The following SOX5 variants were observed in gnomAD, a reference collection of about 807,000 sequenced individuals.
SOX5 encodes transcription factor SOX-5.
Under a neutral mutation model 92.0 loss-of-function variants are expected in SOX5, and 9 were observed. The observed-to-expected ratio is 0.10, with a 90% CI of 0.06 to 0.17. The LOEUF is 0.17. SOX5 is among the 10% of genes least tolerant of loss of function. SOX5 has a pLI of 1.00. For synonymous variants in SOX5, 344 were observed against 336.3 expected (o/e 1.02, Z -0.25); for missense variants, 642 against 944.5 (o/e 0.68, Z 4.20).
At chr12:23,897,078 C>T (rs2097184848) in intron 1 of SOX5, among the ~76,000 whole-genome samples, 2 of 152,112 alleles carry the variant, frequency 1.3e-5, no homozygotes, top group South Asian at 4.2e-4. Flanking sequence ...GTAGTATTTA[C>T]AACTTAATCT....
intron 4 of SOX5, among the ~76,000 whole-genome samples, chr12:24,048,285 A>T (rs1219738708): frequency 6.6e-6 from 1 of 152,154 alleles, no homozygotes; most frequent in East Asian, 1.9e-4. Context: ...TTGGGATTCA[A>T]ATTTAGATGT....
chr12:24,136,586 G>A (rs1022963565), intron 4 of SOX5, among the ~76,000 whole-genome samples: 9 of 152,164 alleles, frequency 5.9e-5, no homozygotes, highest in African/African-American at 2.2e-4. Context: ...TGAGGGATGT[G>A]CTGCTATTGT....
chr12:24,384,320 G>A (rs956571158), intron 1 of SOX5, among the ~76,000 whole-genome samples: 1 of 152,184 alleles, frequency 6.6e-6, no homozygotes, highest in Non-Finnish European at 1.5e-5. Flanking sequence ...AGCCCAGGTG[G>A]TAATGCTGGC....
intron 1 of SOX5, among the ~76,000 whole-genome samples, chr12:24,416,713 C>T (rs764077584): frequency 2.6e-5 from 4 of 152,080 alleles, no homozygotes; most frequent in South Asian, 2.1e-4. Context: ...GTACTTTGAG[C>T]GATGATAGTC....
At chr12:24,015,958 G>A (rs1391503890) in intron 4 of SOX5, among the ~76,000 whole-genome samples, 1 of 152,036 alleles carries the variant, frequency 6.6e-6, no homozygotes, top group African/African-American at 2.4e-5. Context: ...CAGCACAGAG[G>A]GAGGAGCTCC....
chr12:24,525,765 G>C lies in SOX5; in HGVS notation c.-251+36564C>G, dbSNP rs1387647840. Among the ~76,000 whole-genome samples the C allele has an allele frequency of 3.3e-5, 5 of 152,108 alleles. No individual in the cohort carries two copies. In the East Asian group the frequency reaches 9.7e-4, roughly 30 times the overall value. ...CGGGCGCCTGTAGTCCCAGCGACTC[G>C]GGAGGCGTGAACCCGGAAGGCAGAG... On this transcript the variant is annotated intron_variant, in intron 1 of 4. Transcript: ENST00000446891.
chr12:24,528,122 T>C (rs143745832), intron 1 of SOX5, among the ~76,000 whole-genome samples: 2,391 of 152,316 alleles, frequency 0.016, 33 homozygotes, highest in Middle Eastern at 0.034. Context: ...GCCTGGCTCA[T>C]ATGCAGCATT....
At chr12:24,079,851 G>T (rs556173346) in intron 4 of SOX5, among the ~76,000 whole-genome samples, 2 of 151,776 alleles carry the variant, frequency 1.3e-5, no homozygotes, top group Non-Finnish European at 2.9e-5. Context: ...GTCGAGAGCC[G>T]ATCTGTATTT....
At chr12:23,934,502 C>T (rs191236919) in intron 1 of SOX5, among the ~76,000 whole-genome samples, 1 of 148,672 alleles carries the variant, frequency 6.7e-6, no homozygotes, top group Non-Finnish European at 1.5e-5. Flanking sequence ...ATATAAAATA[C>T]AAATGATTAT....
At chr12:23,601,314 C>G (rs2137427145) in intron 9 of SOX5, among the ~76,000 whole-genome samples, 1 of 152,178 alleles carries the variant, frequency 6.6e-6, no homozygotes, top group East Asian at 1.9e-4. Context: ...AAAGCATACC[C>G]AGGAAGAAAG....
intron 4 of SOX5, among the ~76,000 whole-genome samples, chr12:23,977,138 T>C (rs1282545161): frequency 6.6e-6 from 1 of 152,190 alleles, no homozygotes; most frequent in Non-Finnish European, 1.5e-5. Context: ...TTAAGAGCTA[T>C]CATCTATAAT....
At chr12:23,630,705 C>T (rs1479459) in intron 8 of SOX5, among the ~76,000 whole-genome samples, 75 of 151,884 alleles carry the variant, frequency 4.9e-4, no homozygotes, top group Middle Eastern at 3.4e-3. Flanking sequence ...TCATTTATAC[C>T]CACTTTACAG....
At position 23,783,708 on chromosome 12, in the gene SOX5, C is replaced by T. The variant is rs554602083; in HGVS notation, c.482-27984G>A. Among the ~76,000 whole-genome samples the T allele has an allele frequency of 3.9e-5, 6 of 152,216 alleles. No homozygotes were observed. In the South Asian group the frequency reaches 1.2e-3, roughly 32 times the overall value. On this transcript the variant is annotated intron_variant, in intron 3 of 14. Transcript: ENST00000451604. ...TTAGAAATTTTTCTTTTCTTTTTGT[C>T]TTTACTTCACAGTAACTTTACCCAA...
At chr12:23,796,406 T>C (rs1206522938) in intron 3 of SOX5, among the ~76,000 whole-genome samples, 1 of 152,050 alleles carries the variant, frequency 6.6e-6, no homozygotes, top group Non-Finnish European at 1.5e-5. Flanking sequence ...GAATGAGTAG[T>C]TTGAATTTCA....
At chr12:23,925,706 A>C (rs1190298246) in intron 1 of SOX5, among the ~76,000 whole-genome samples, 1 of 152,090 alleles carries the variant, frequency 6.6e-6, no homozygotes, top group East Asian at 1.9e-4. Context: ...TGTTCAAGAT[A>C]CAATAACATT....
intron 3 of SOX5, among the ~76,000 whole-genome samples, chr12:24,223,781 A>ACAAAAG (rs1961131509): frequency 6.6e-6 from 1 of 151,916 alleles, no homozygotes; most frequent in African/African-American, 2.4e-5. Flanking sequence ...AAAAACAAAA[A>ACAAAAG]ACAACAAACA....
chr12:24,018,988 A>AT (rs1342439450), intron 4 of SOX5, among the ~76,000 whole-genome samples: 3 of 152,000 alleles, frequency 2.0e-5, no homozygotes, highest in African/African-American at 4.8e-5. Context: ...ATAATCATGC[A>AT]TTTTTTTGAG....
intron 7 of SOX5, among the ~76,000 whole-genome samples, chr12:23,643,053 C>G (rs1407493466): frequency 4.2e-5 from 4 of 96,334 alleles, no homozygotes; most frequent in Admixed American, 2.0e-4. Context: ...CGCCACTGCA[C>G]TCCAGCCTGG....
chr12:24,134,934 C>T lies in SOX5; in HGVS notation c.-2+78409G>A, dbSNP rs866517746. On this transcript the variant is annotated intron_variant, in intron 4 of 4. Transcript: ENST00000446891. ...CCTTTCCTCTGTATTTTTAAAAATA[C>T]ATTCACTTATTTGTAAAAGTTAAAA... 3.3e-5 allele frequency among the ~76,000 whole-genome samples: 5 copies of T among 152,204 alleles called. No homozygotes were observed. The South Asian group carries it at 6.2e-4, about 19-fold the overall frequency.
Sources: allele counts gnomAD v4.1 joint callset (sites outside exome capture counted in the v4.1 genomes callset), GRCh38; gene constraint gnomAD v4.1.1; transcripts MANE v1.5; gene names NCBI Gene and HGNC (gene_info 2026-07-23, HGNC 2026-07-21).